Variants in IL1RAPL1 observed in about 807,000 individuals in gnomAD.
The protein encoded by IL1RAPL1 is interleukin 1 receptor accessory protein like 1, also known as interleukin-1 receptor accessory protein-like 1.
Under a neutral mutation model 48.4 loss-of-function variants are expected in IL1RAPL1, and 3 were observed. The observed-to-expected ratio is 0.06, with a 90% CI of 0.03 to 0.16. The LOEUF (loss-of-function observed/expected upper bound fraction) is 0.16. IL1RAPL1 is among the 10% of genes least tolerant of loss of function. IL1RAPL1 has a pLI of 1.00. For synonymous variants in IL1RAPL1, 185 were observed against 187.7 expected (o/e 0.99, Z 0.12); for missense variants, 349 against 530.6 (o/e 0.66, Z 3.36).
intron 6 of IL1RAPL1, among the ~76,000 whole-genome samples, chrX:29,708,715 A>G (rs939596450): frequency 8.0e-5 from 9 of 112,311 alleles, no homozygotes; most frequent in African/African-American, 1.9e-4. Context: ...GCCAATTTCA[A>G]TTCCTTGGGA....
At chrX:29,101,288 C>G (rs768712344) in intron 2 of IL1RAPL1, among the ~76,000 whole-genome samples, 2 of 112,004 alleles carry the variant, frequency 1.8e-5, no homozygotes, top group African/African-American at 3.2e-5. Flanking sequence ...ATACAACTTA[C>G]CAAGATTAAG....
chrX:28,952,913 A>G (rs1601974495), intron 2 of IL1RAPL1, among the ~76,000 whole-genome samples: 1 of 111,811 alleles, frequency 8.9e-6, no homozygotes, highest in Middle Eastern at 4.7e-3. Flanking sequence ...GGGTCATGAT[A>G]AAACTGAATT....
chrX:29,084,596 C>T (rs1439901574), intron 2 of IL1RAPL1, among the ~76,000 whole-genome samples: 1 of 112,158 alleles, frequency 8.9e-6, no homozygotes, highest in African/African-American at 3.2e-5. Flanking sequence ...GGGAGTCCTC[C>T]TAATAGTTAA....
chrX:29,807,062 CT>C (rs1930272370), intron 6 of IL1RAPL1, among the ~76,000 whole-genome samples: 1 of 111,121 alleles, frequency 9.0e-6, no homozygotes, highest in Admixed American at 9.7e-5. Flanking sequence ...AACCTCTTTA[CT>C]TTATAAATTA....
chrX:29,434,369 G>A (rs1235129041), intron 5 of IL1RAPL1, among the ~76,000 whole-genome samples: 1 of 110,287 alleles, frequency 9.1e-6, no homozygotes, highest in East Asian at 2.8e-4. Context: ...CAGATTTTAT[G>A]GAAAGGTAAA....
chrX:29,485,201 A>T (rs762405643), intron 5 of IL1RAPL1, among the ~76,000 whole-genome samples: 20 of 112,344 alleles, frequency 1.8e-4, no homozygotes, highest in African/African-American at 6.5e-4. Context: ...TTACTTTATT[A>T]TAATAAATAT....
intron 6 of IL1RAPL1, among the ~76,000 whole-genome samples, chrX:29,917,198 A>G (rs543021425): frequency 8.9e-6 from 1 of 112,330 alleles, no homozygotes; most frequent in East Asian, 2.8e-4. Context: ...ACATCAGGCA[A>G]ACCGAACGGG....
intron 2 of IL1RAPL1, among the ~76,000 whole-genome samples, chrX:28,815,841 A>G (rs1176646412): frequency 1.8e-3 from 38 of 21,093 alleles, no homozygotes; most frequent in Non-Finnish European, 2.4e-3. Flanking sequence ...GTGTTTATGT[A>G]TATATATATA....
chrX:28,695,869 C>A (rs1935224617), intron 1 of IL1RAPL1, among the ~76,000 whole-genome samples: 1 of 111,902 alleles, frequency 8.9e-6, no homozygotes, highest in African/African-American at 3.2e-5. Flanking sequence ...AAGTTAAACT[C>A]TGTTAAAAAC....
chrX:29,373,479 ATCCTTGTC>A (rs371551467), intron 3 of IL1RAPL1, among the ~76,000 whole-genome samples: 3 of 111,513 alleles, frequency 2.7e-5, no homozygotes, highest in African/African-American at 9.8e-5. Flanking sequence ...CAGAATGGGT[ATCCTTGTC>A]TTGTTACAGT....
intron 1 of IL1RAPL1, among the ~76,000 whole-genome samples, chrX:28,604,713 G>A (rs1295895153): frequency 2.5e-5 from 2 of 80,601 alleles, no homozygotes; most frequent in East Asian, 7.5e-4. Context: ...GCGACAGAGC[G>A]AGACTCAAAA....
intron 2 of IL1RAPL1, among the ~76,000 whole-genome samples, chrX:29,099,248 C>T (rs1168640703): frequency 2.7e-5 from 3 of 111,708 alleles, no homozygotes; most frequent in African/African-American, 9.8e-5. Context: ...GCAAACGTTA[C>T]GATTTATCAC....
chrX:29,280,843 TGAG>T, intron 2 of IL1RAPL1, among the ~76,000 whole-genome samples: 1 of 111,812 alleles, frequency 8.9e-6, no homozygotes, highest in Non-Finnish European at 1.9e-5. Flanking sequence ...AAGGCCTCTC[TGAG>T]GAGGTGATAT....
chrX:28,836,061 T>C (rs1921198157), intron 2 of IL1RAPL1, among the ~76,000 whole-genome samples: 2 of 110,520 alleles, frequency 1.8e-5, no homozygotes, highest in Admixed American at 9.8e-5. Context: ...GAAATGTTGA[T>C]GCCTAAAAGA....
At chrX:28,847,506 C>T (rs1921541342) in intron 2 of IL1RAPL1, among the ~76,000 whole-genome samples, 1 of 111,579 alleles carries the variant, frequency 9.0e-6, no homozygotes, top group Non-Finnish European at 1.9e-5. Context: ...CCCACAGTTG[C>T]TCACAAGGTT....
At chrX:28,936,703 A>G (rs1456744741) in intron 2 of IL1RAPL1, among the ~76,000 whole-genome samples, 1 of 110,827 alleles carries the variant, frequency 9.0e-6, no homozygotes, top group African/African-American at 3.3e-5. Context: ...ATATACCACA[A>G]TGGGTGATAA....
intron 1 of IL1RAPL1, among the ~76,000 whole-genome samples, chrX:28,783,372 T>G (rs983413988): frequency 1.7e-4 from 19 of 111,972 alleles, no homozygotes; most frequent in African/African-American, 5.8e-4. Context: ...ATTGATAACT[T>G]TGGTTTTTTA....
chrX:29,119,344 A>C (rs1337045752), intron 2 of IL1RAPL1, among the ~76,000 whole-genome samples: 1 of 111,478 alleles, frequency 9.0e-6, no homozygotes, highest in African/African-American at 3.3e-5. Context: ...AGATCATTTC[A>C]TTGGCACACT....
At chrX:29,505,418 T>C (rs779845642) in intron 5 of IL1RAPL1, among the ~76,000 whole-genome samples, 3 of 112,062 alleles carry the variant, frequency 2.7e-5, no homozygotes, top group Non-Finnish European at 5.6e-5. Flanking sequence ...TTGCATTTCT[T>C]ATTAAACAGA....
Sources: gnomAD v4.1 joint callset for allele counts (sites outside exome capture counted in the v4.1 genomes callset) on GRCh38, gnomAD v4.1.1 for gene constraint, MANE v1.5 for transcripts, NCBI Gene and HGNC (gene_info 2026-07-23, HGNC 2026-07-21) for gene names.